Variants in PIWIL2 observed in about 807,000 individuals in gnomAD.
The protein encoded by PIWIL2 is piwi-like protein 2.
PIWIL2 carries 81 observed loss-of-function variants against 116.5 expected under a neutral mutation model. The observed-to-expected ratio is 0.70, with a 90% CI of 0.58 to 0.84. PIWIL2 has a LOEUF of 0.84. PIWIL2 is among the 40% of genes least tolerant of loss of function. The pLI, the probability that PIWIL2 is intolerant of heterozygous loss-of-function variation, is 0.00. For missense variants in PIWIL2, 1,272 were observed against 1,212.3 expected, an observed-to-expected ratio of 1.05 and a Z score of -0.73; for synonymous variants, 489 against 429.5, an observed-to-expected ratio of 1.14 and a Z score of -1.71.
chr8:22,350,027 C>T (rs569247201), intron 20 of PIWIL2, among the ~76,000 whole-genome samples: 1 of 152,194 alleles, frequency 6.6e-6, no homozygotes, highest in South Asian at 2.1e-4. Context: ...CGTTTTTAGT[C>T]ATAAGGGTGA....
intron 20 of PIWIL2, among the ~76,000 whole-genome samples, chr8:22,328,053 GT>G (rs78016869): frequency 2.7e-5 from 4 of 146,590 alleles, no homozygotes; most frequent in Non-Finnish European, 3.0e-5. Flanking sequence ...CTTGTCCCCT[GT>G]TTTTTTTTTC....
chr8:22,355,476 C>G lies in PIWIL2; in HGVS notation c.2893C>G (p.Gln965Glu), dbSNP rs868508693. ...CATCTTGCATCATGAACCAGCCATC[C>G]AGCTGTGCGAGAACCTGTTCTTCCT... ...GHILHHEPAI[Q>E]LCENLFFL is the part of the protein sequence containing the mutation. Residue 965 changes from glutamine (Q) to glutamate (E), a missense_variant, in exon 23 of 23, where the codon CAG (glutamine) becomes GAG (glutamate). Physicochemically the swap from Gln to Glu is conservative, Grantham distance 29. Coordinates refer to ENST00000356766, the MANE Select transcript of PIWIL2 (RefSeq NM_018068.5). The G allele has an allele frequency of 6.2e-7, 1 of 1,614,042 alleles. No homozygotes were observed. Among genetic ancestry groups the G allele is most frequent in the African/African-American group, 1.3e-5 (1 of 74,932 alleles).
chr8:22,326,757 G>T (rs1040787140), intron 20 of PIWIL2, among the ~76,000 whole-genome samples: 4 of 152,010 alleles, frequency 2.6e-5, no homozygotes, highest in African/African-American at 9.7e-5. Context: ...AAACATTTGG[G>T]CTGTTCTCAC....
At chr8:22,310,103 G>A (rs1421602649) in intron 15 of PIWIL2, 29 bp downstream of exon 15, 1 of 1,164,334 alleles carries the variant, frequency 8.6e-7, no homozygotes, top group Non-Finnish European at 1.3e-6. Flanking sequence ...GATAAAGAGA[G>A]GACCAGTATT....
intron 10 of PIWIL2, among the ~76,000 whole-genome samples, chr8:22,303,299 T>C (rs889411279): frequency 3.3e-5 from 5 of 152,246 alleles, no homozygotes; most frequent in South Asian, 2.1e-4. Context: ...AATGATATTA[T>C]AGCAATGGCA....
At chr8:22,279,879 C>A (rs1489680272) in intron 2 of PIWIL2, among the ~76,000 whole-genome samples, 1 of 152,212 alleles carries the variant, frequency 6.6e-6, no homozygotes, top group Non-Finnish European at 1.5e-5. Context: ...ATTGCTTGAA[C>A]CGTGGAGGCG....
chr8:22,339,519 A>G (rs1462280282), intron 20 of PIWIL2, among the ~76,000 whole-genome samples: 3 of 151,604 alleles, frequency 2.0e-5, no homozygotes, highest in African/African-American at 4.9e-5. Context: ...AAAAAAAACT[A>G]TGCAACTGTA....
rs1004102862 is a variant in PIWIL2 at position 22,279,673 on chromosome 8, C to T, written c.198+89C>T. 13 of 1,273,552 alleles carry T rather than the reference C, an allele frequency of 1.0e-5. No homozygotes were observed. In the African/African-American group the frequency reaches 1.8e-4, roughly 17 times the overall value. 78.9% of individuals were successfully genotyped at this position (1,273,552 alleles called of 1,614,324 possible). ...AATGGATTTCAAAGTGCTTGCAGGG[C>T]TGGGCACGGTGGCTCACGCCTGTAA... On this transcript the variant is annotated intron_variant, in intron 2 of 22. Transcript: ENST00000356766.
chr8:22,289,089 T>C (rs1325291978), intron 8 of PIWIL2, among the ~76,000 whole-genome samples: 5 of 152,196 alleles, frequency 3.3e-5, no homozygotes, highest in Non-Finnish European at 5.9e-5. Flanking sequence ...CATCCTAGTT[T>C]TCATACAGCC....
chr8:22,317,791 C>G (rs941879878), intron 19 of PIWIL2, among the ~76,000 whole-genome samples: 2 of 152,102 alleles, frequency 1.3e-5, no homozygotes, highest in African/African-American at 4.8e-5. Context: ...TCCCGAGTAG[C>G]TGGGACTACA....
chr8:22,287,084 C>CA (rs775377576), intron 6 of PIWIL2, among the ~76,000 whole-genome samples: 9,276 of 141,434 alleles, frequency 0.066, 343 homozygotes, highest in Admixed American at 0.1. Context: ...GACCCTATCT[C>CA]AAAAAAAAAA....
chr8:22,344,362 A>T (rs531382678), intron 20 of PIWIL2, among the ~76,000 whole-genome samples: 16 of 152,244 alleles, frequency 1.1e-4, no homozygotes, highest in Admixed American at 6.5e-4. Context: ...TTTGGTCATC[A>T]GTTGTAACAA....
At chr8:22,351,442 T>TATATATATATATAA (rs1832354793) in intron 20 of PIWIL2, among the ~76,000 whole-genome samples, 4 of 29,018 alleles carry the variant, frequency 1.4e-4, no homozygotes, top group Non-Finnish European at 2.5e-4. Context: ...CATACATACA[T>TATATATATATATAA]ATATATATAT....
intron 19 of PIWIL2, among the ~76,000 whole-genome samples, chr8:22,317,136 G>T (rs908958227): frequency 5.3e-5 from 8 of 152,148 alleles, no homozygotes; most frequent in African/African-American, 1.9e-4. Context: ...GCTGAAGAGC[G>T]ACCTCCTCCA....
chr8:22,350,550 T>G (rs920979490), intron 20 of PIWIL2, among the ~76,000 whole-genome samples: 2 of 151,988 alleles, frequency 1.3e-5, no homozygotes. Flanking sequence ...TGAGCAGAGA[T>G]GGTGCCACTG....
At position 22,307,934 on chromosome 8, in the gene PIWIL2, A is replaced by T; in HGVS notation, c.1547A>T (p.Asp516Val). The change falls in exon 14 of 23, where the codon GAT becomes GTT. Residue 516 changes from aspartate (D) to valine (V), a missense_variant and splice_region_variant. Transcript: ENST00000356766. ...TATCTTTATTTTAATTCTGTTTAGG[A>T]TTTGGCTCAGCAAATCAATCTGAGC... ...KMKKDFRAMK[D>V]LAQQINLSPK... 6.2e-7 allele frequency: 1 copy of T among 1,604,644 alleles called. No individual in the cohort carries two copies. The highest frequency in any genetic ancestry group is 8.5e-7 in the Non-Finnish European group (1 of 1,173,738).
At chr8:22,316,725 G>A (rs551007779) in intron 19 of PIWIL2, among the ~76,000 whole-genome samples, 1 of 151,198 alleles carries the variant, frequency 6.6e-6, no homozygotes, top group South Asian at 2.1e-4. Context: ...CAGGTGATCC[G>A]CCCACCTCAG....
chr8:22,310,960 TATC>T, intron 15 of PIWIL2, 149 bp from the exon 16 acceptor site: 1 of 647,168 alleles, frequency 1.5e-6, no homozygotes, highest in Non-Finnish European at 2.6e-6. Flanking sequence ...ACAGTTTTCT[TATC>T]ATGTACGTTC....
Position 22,308,002 on chromosome 8 carries a change from A to G in PIWIL2, c.1615A>G (p.Ile539Val). 1 of 1,613,888 alleles carries G rather than the reference A, an allele frequency of 6.2e-7. No individual in the cohort carries two copies. Among genetic ancestry groups the G allele is most frequent in the Non-Finnish European group, 8.5e-7 (1 of 1,179,896 alleles). ...HSALECLLQR[I>V]AKNEAATNEL... is the part of the protein sequence containing the mutation. ...TGCTTTGGAATGCTTGCTGCAAAGA[A>G]TTGCAAAGAACGAGGCAGCCACCAA... is the stretch of plus-strand genomic sequence containing the variant. Residue 539 changes from isoleucine (I) to valine (V), a missense_variant, in exon 14 of 23, where the codon ATT becomes GTT. Physicochemically the swap from Ile to Val is conservative, Grantham distance 29 (BLOSUM62 3). Coordinates refer to ENST00000356766, the MANE Select transcript of PIWIL2 (RefSeq NM_018068.5).
Sources: gnomAD v4.1 joint callset for allele counts (sites outside exome capture counted in the v4.1 genomes callset) on GRCh38, gnomAD v4.1.1 for gene constraint, MANE v1.5 for transcripts, NCBI Gene and HGNC (gene_info 2026-07-23, HGNC 2026-07-21) for gene names.